The following DIO1 variants were observed in gnomAD, a reference collection of about 807,000 sequenced individuals.
DIO1 encodes the protein iodothyronine deiodinase 1, also known as type I iodothyronine deiodinase.
A neutral mutation model predicts 25.9 loss-of-function variants in DIO1; 17 were observed. The ratio of observed to expected loss-of-function variants is 0.66; its 90% CI spans 0.45 to 0.98. DIO1 has a LOEUF of 0.98. DIO1 is among the 50% of genes least tolerant of loss of function. The probability of loss-of-function intolerance (pLI) is 0.00; values close to 1 mark genes in which losing one functional copy is unlikely to be tolerated. For synonymous variants in DIO1, 115 were observed against 114.0 expected (o/e 1.01, Z -0.05); for missense variants, 270 against 310.4 (o/e 0.87, Z 0.98).
At chr1:53,908,595 C>G (rs904269599) in intron 3 of DIO1, among the ~76,000 whole-genome samples, 2 of 152,060 alleles carry the variant, frequency 1.3e-5, no homozygotes, top group African/African-American at 4.8e-5. Context: ...AAGGAGTTGG[C>G]CTAGTGAGCA....
chr1:53,904,319 G>T lies in DIO1; in HGVS notation c.338-347G>T, dbSNP rs1419555123. ...TGTCTATAAAATGGGGGGAAAAAAT[G>T]ACCAACCTTGCAGTATTACTAATCC... On this transcript the variant is annotated intron_variant, in intron 1 of 3. Transcript: ENST00000361921. Among the ~76,000 whole-genome samples, 3 of 152,162 alleles carry T rather than the reference G, an allele frequency of 2.0e-5. No homozygotes were observed. The East Asian group carries it at 5.8e-4, about 29-fold the overall frequency.
At chr1:53,908,216 C>T (rs1235526938) in intron 3 of DIO1, among the ~76,000 whole-genome samples, 6 of 149,672 alleles carry the variant, frequency 4.0e-5, no homozygotes, top group Middle Eastern at 3.5e-3. Flanking sequence ...AGCGAGACTC[C>T]GTCTCAAAAA....
intron 2 of DIO1, 21 bp downstream of exon 2, chr1:53,904,830 T>A (rs1416396111): frequency 1.2e-6 from 2 of 1,600,352 alleles, no homozygotes; most frequent in Non-Finnish European, 1.7e-6. Flanking sequence ...ATTCTCTGCC[T>A]CTTCTACCTC....
rs917769350 is a variant in DIO1 at position 53,904,349 on chromosome 1, G to A, written c.338-317G>A. On this transcript the variant is annotated intron_variant, in intron 1 of 3. Transcript: ENST00000361921. ...ACCTTGCAGTATTACTAATCCCATC[G>A]CATGACAGAATGGATGCATACCTGC... Among the ~76,000 whole-genome samples the A allele has an allele frequency of 2.2e-4, 34 of 152,152 alleles. 1 individual carries two copies. Among genetic ancestry groups the A allele is most frequent in the Non-Finnish European group, 3.7e-4 (25 of 68,038 alleles).
chr1:53,910,460 CATTT>C lies in DIO1; in HGVS notation c.*463_*466del, dbSNP rs1651893158. 6.2e-6 allele frequency: 1 copy of C among 162,194 alleles called. No individual in the cohort carries two copies. The highest frequency in any genetic ancestry group is 2.4e-5 in the African/African-American group (1 of 41,830). 10.0% of individuals were successfully genotyped at this position (162,194 alleles called of 1,614,324 possible). A position where few individuals can be genotyped will look rare whatever the true frequency, so the allele number is the denominator to read the frequency against. ...CCCAATTTGCATTTATGGAATTGAT[CATTT>C]AAGACACTAAATTAGTTTTTAGAAC... On this transcript the variant is annotated 3_prime_UTR_variant, in exon 4 of 4. Coordinates refer to ENST00000361921, the MANE Select transcript of DIO1 (RefSeq NM_000792.7).
chr1:53,909,091 C>CA (rs60546715), intron 3 of DIO1, among the ~76,000 whole-genome samples: 206 of 135,180 alleles, frequency 1.5e-3, no homozygotes, highest in Admixed American at 3.3e-3. Context: ...GAGACTCTCT[C>CA]AAAAAAAAAA....
At chr1:53,895,475 C>T (rs1408219118) in intron 1 of DIO1, among the ~76,000 whole-genome samples, 2 of 152,152 alleles carry the variant, frequency 1.3e-5, no homozygotes, top group Non-Finnish European at 2.9e-5. Context: ...CTCCCCAGTC[C>T]AGGAAAACCA....
Position 53,894,602 on chromosome 1 carries a change from G to A in DIO1, c.337+55G>A. On this transcript the variant is annotated intron_variant, in intron 1 of 3. Transcript: ENST00000361921. The surrounding 1 kb of genome is among the most constrained non-coding windows in gnomAD (Gnocchi z 4.9). ...GCTTGAAATAGCAGTGGTAGAGGGG[G>A]ATGAAGAGATGGGTTGGAAAGTCCT... is the stretch of plus-strand genomic sequence containing the variant. 1 of 1,491,416 alleles carries A rather than the reference G, an allele frequency of 6.7e-7. No homozygotes were observed. Among genetic ancestry groups the A allele is most frequent in the Non-Finnish European group, 9.1e-7 (1 of 1,101,804 alleles). The allele number at this position is 1,491,416 out of a possible 1,614,324, so 92.4% of individuals were successfully genotyped here.
intron 2 of DIO1, among the ~76,000 whole-genome samples, chr1:53,905,793 T>C (rs548930394): frequency 8.9e-4 from 136 of 152,180 alleles, no homozygotes; most frequent in Non-Finnish European, 1.7e-3. Context: ...ACAGACCGAA[T>C]CAGAATCTTC....
At chr1:53,900,341 C>T (rs910695945) in intron 1 of DIO1, among the ~76,000 whole-genome samples, 2 of 152,168 alleles carry the variant, frequency 1.3e-5, no homozygotes, top group Non-Finnish European at 1.5e-5. Flanking sequence ...CAGTGGCTCA[C>T]GCCTGTAATC....
intron 1 of DIO1, among the ~76,000 whole-genome samples, chr1:53,903,584 C>T (rs1220061555): frequency 6.6e-6 from 1 of 151,922 alleles, no homozygotes; most frequent in Non-Finnish European, 1.5e-5. Context: ...CACGGTGGCT[C>T]AGGCCTGTAA....
rs1651890260 is a variant in DIO1 at position 53,910,402 on chromosome 1, C to T, written c.*403C>T. On this transcript the variant is annotated 3_prime_UTR_variant, in exon 4 of 4. Coordinates refer to ENST00000361921, the MANE Select transcript of DIO1 (RefSeq NM_000792.7). Reference sequence around the variant, plus strand: ...CCACTCTGATACCAAGTAATTCAAGCTGGCATTCCTTCTATTAGGGAAATT... The same window carrying T: ...CCACTCTGATACCAAGTAATTCAAGTTGGCATTCCTTCTATTAGGGAAATT... The T allele has an allele frequency of 5.9e-6, 1 of 170,316 alleles. No homozygotes were observed. The allele number at this position is 170,316 out of a possible 1,614,324, so 10.6% of individuals were successfully genotyped here.
At chr1:53,897,759 G>C (rs1235828700) in intron 1 of DIO1, among the ~76,000 whole-genome samples, 1 of 151,876 alleles carries the variant, frequency 6.6e-6, no homozygotes, top group South Asian at 2.1e-4. Context: ...GGCTGAGTTG[G>C]GGGGGTCACT....
chr1:53,902,748 A>G (rs749920217), intron 1 of DIO1, among the ~76,000 whole-genome samples: 6 of 151,772 alleles, frequency 4.0e-5, no homozygotes, highest in African/African-American at 7.3e-5. Context: ...GGCTGGCTTC[A>G]TGGACATGGG....
intron 2 of DIO1, among the ~76,000 whole-genome samples, chr1:53,905,308 G>GC (rs1211437780): frequency 5.7e-5 from 6 of 105,064 alleles, no homozygotes; most frequent in African/African-American, 4.1e-4. Flanking sequence ...CCAAGTAGCT[G>GC]TACTGCAGGC....
intron 3 of DIO1, among the ~76,000 whole-genome samples, chr1:53,908,284 G>T (rs1455104040): frequency 1.3e-5 from 2 of 152,300 alleles, no homozygotes; most frequent in Middle Eastern, 6.8e-3. Flanking sequence ...ACAGGCTGAG[G>T]GATAAGGAAG....
intron 1 of DIO1, among the ~76,000 whole-genome samples, chr1:53,900,982 CTTTTTTTTTTTTT>C (rs71063891): frequency 2.8e-5 from 2 of 72,106 alleles, no homozygotes; most frequent in Non-Finnish European, 4.9e-5. Context: ...GGCCAGCTAA[CTTTTTTTTTTTTT>C]TTTTTTTTTT....
chr1:53,909,637 T>A (rs529491769), intron 3 of DIO1, among the ~76,000 whole-genome samples: 1 of 152,306 alleles, frequency 6.6e-6, no homozygotes, highest in South Asian at 2.1e-4. Context: ...TCTGAAGGTC[T>A]GATTATGGAA....
chr1:53,906,091 G>C lies in DIO1; in HGVS notation c.482-4G>C, dbSNP rs1237733397. 8 of 1,614,162 alleles carry C rather than the reference G, an allele frequency of 5.0e-6. No homozygotes were observed. In the South Asian group the frequency reaches 7.7e-5, roughly 16 times the overall value. ...GGACTCGGTGCCTGGCCTTTCTCTT[G>C]TAGATGGCTGGGCTTTTAAGAACAA... On this transcript the variant is annotated splice_region_variant and splice_polypyrimidine_tract_variant and intron_variant, in intron 2 of 3. Transcript: ENST00000361921.
Sources: gnomAD v4.1 joint callset for allele counts (sites outside exome capture counted in the v4.1 genomes callset) on GRCh38, gnomAD v4.1.1 for gene constraint, Gnocchi (gnomAD v3.1) non-coding constraint, MANE v1.5 for transcripts, NCBI Gene and HGNC (gene_info 2026-07-23, HGNC 2026-07-21) for gene names.